EIPR1: variants seen among roughly 807,000 people sequenced by gnomAD.
The protein encoded by EIPR1 is EARP and GARP complex-interacting protein 1.
Under a neutral mutation model 48.1 loss-of-function variants are expected in EIPR1, and 25 were observed. That is an observed-to-expected ratio of 0.52 (90% CI 0.38 to 0.73). The LOEUF (loss-of-function observed/expected upper bound fraction) is 0.73, where lower values mean the gene tolerates loss of function less well. Among genes scored for constraint, EIPR1 ranks in the 30% least tolerant of loss-of-function variants. The pLI, the probability that EIPR1 is intolerant of heterozygous loss-of-function variation, is 0.00. For synonymous variants in EIPR1, 204 were observed against 201.9 expected (o/e 1.01, Z -0.09); for missense variants, 415 against 506.2 (o/e 0.82, Z 1.73).
At chr2:3,335,942 A>G (rs554301282) in intron 3 of EIPR1, among the ~76,000 whole-genome samples, 1 of 152,324 alleles carries the variant, frequency 6.6e-6, no homozygotes, top group South Asian at 2.1e-4. Flanking sequence ...CAGTGCGAGA[A>G]TGGACTAATA....
chr2:3,260,575 A>G (rs193102763), intron 3 of EIPR1, among the ~76,000 whole-genome samples: 5 of 152,062 alleles, frequency 3.3e-5, no homozygotes, highest in African/African-American at 1.2e-4. Context: ...AAAGAAAACA[A>G]AAGAAAAGAA....
At chr2:3,334,789 G>T (rs913825689) in intron 3 of EIPR1, among the ~76,000 whole-genome samples, 1 of 152,192 alleles carries the variant, frequency 6.6e-6, no homozygotes, top group Non-Finnish European at 1.5e-5. Flanking sequence ...GAACAATTTC[G>T]TCTTTCTTCC....
chr2:3,276,356 C>G (rs1667849032), intron 3 of EIPR1, among the ~76,000 whole-genome samples: 2 of 152,248 alleles, frequency 1.3e-5, no homozygotes, highest in Non-Finnish European at 2.9e-5. Flanking sequence ...TGAATAAATA[C>G]TTTTATCCAC....
intron 3 of EIPR1, among the ~76,000 whole-genome samples, chr2:3,332,143 GA>G (rs1669918494): frequency 6.6e-6 from 1 of 152,256 alleles, no homozygotes; most frequent in Admixed American, 6.5e-5. Flanking sequence ...CCCTAATTCA[GA>G]AACATACATT....
chr2:3,334,028 T>A lies in EIPR1; in HGVS notation c.259+3989A>T, dbSNP rs201128173. ...TTCACCAAAATATCACACAAACTAA[T>A]GGAAACAAAAAGAAGGAAGGGGCTA... On this transcript the variant is annotated intron_variant, in intron 3 of 8. Transcript: ENST00000382125. 8.0e-5 allele frequency among the ~76,000 whole-genome samples: 12 copies of A among 150,806 alleles called. No homozygotes were observed. In the East Asian group the frequency reaches 2.2e-3, roughly 27 times the overall value.
chr2:3,196,792 T>C (rs1024161651), intron 6 of EIPR1, 89 bp downstream of exon 6: 23 of 1,516,936 alleles, frequency 1.5e-5, no homozygotes, highest in South Asian at 6.3e-5. Flanking sequence ...CCCAAAGGCA[T>C]GTGGCTCACC....
intron 1 of EIPR1, among the ~76,000 whole-genome samples, chr2:3,373,785 T>C (rs2103396016): frequency 6.6e-6 from 1 of 151,494 alleles, no homozygotes; most frequent in East Asian, 1.9e-4. Context: ...ATCAATATCG[T>C]GAAAATGGCC....
intron 3 of EIPR1, among the ~76,000 whole-genome samples, chr2:3,302,780 G>A (rs1271333743): frequency 6.6e-6 from 1 of 152,232 alleles, no homozygotes; most frequent in Non-Finnish European, 1.5e-5. Flanking sequence ...TCAGACGACA[G>A]GCTCCCAAAG....
chr2:3,192,533 C>G lies in EIPR1; in HGVS notation c.870G>C (p.Thr290=). Residue 290 remains threonine (T), a synonymous_variant, in exon 8 of 9, where the codon ACG becomes ACC. Transcript: ENST00000382125. ...GGATGACTCTGCTGTCACTGCTGCC[C>G]GTGAGGACCAGCTGGTCATGAGAGT... ...YNHSHDQLVL[T]GSSDSRVILS... 6.2e-7 allele frequency: 1 copy of G among 1,613,010 alleles called. No homozygotes were observed. Among genetic ancestry groups the G allele is most frequent in the Non-Finnish European group, 8.5e-7 (1 of 1,179,870 alleles).
chr2:3,304,989 ACC>A (rs1558286446), intron 3 of EIPR1, among the ~76,000 whole-genome samples: 14 of 53,734 alleles, frequency 2.6e-4, no homozygotes, highest in African/African-American at 1.0e-3. Flanking sequence ...GTCCAGTTCA[ACC>A]CTCCACTCCC....
chr2:3,208,993 G>C, intron 5 of EIPR1: 1 of 1,459,250 alleles, frequency 6.9e-7, no homozygotes, highest in Admixed American at 2.7e-5. Flanking sequence ...ATATTATCAA[G>C]GTCGCCAGAA....
intron 1 of EIPR1, among the ~76,000 whole-genome samples, chr2:3,356,421 T>C (rs1343389363): frequency 6.6e-6 from 1 of 152,194 alleles, no homozygotes; most frequent in Non-Finnish European, 1.5e-5. Flanking sequence ...AACTAAGATC[T>C]CAGGTGATGA....
intron 5 of EIPR1, among the ~76,000 whole-genome samples, chr2:3,207,471 C>A (rs180808973): frequency 6.6e-6 from 1 of 152,356 alleles, no homozygotes; most frequent in East Asian, 1.9e-4. Context: ...ACATTGAATG[C>A]ATCATCTAGA....
At chr2:3,266,505 G>T (rs1667494129) in intron 3 of EIPR1, among the ~76,000 whole-genome samples, 1 of 152,218 alleles carries the variant, frequency 6.6e-6, no homozygotes, top group South Asian at 2.1e-4. Flanking sequence ...GTGTGCAGGG[G>T]CAGAGACTGA....
At chr2:3,289,940 G>A (rs950116575) in intron 3 of EIPR1, among the ~76,000 whole-genome samples, 1 of 152,242 alleles carries the variant, frequency 6.6e-6, no homozygotes, top group Non-Finnish European at 1.5e-5. Context: ...GAGTGCCGCA[G>A]TTCCAGCTGC....
intron 5 of EIPR1, among the ~76,000 whole-genome samples, chr2:3,209,930 T>C (rs1457848098): frequency 6.6e-6 from 1 of 152,216 alleles, no homozygotes; most frequent in Non-Finnish European, 1.5e-5. Context: ...GAAACAATTC[T>C]GTGTGACACC....
chr2:3,244,561 C>T (rs1666737247), intron 4 of EIPR1, among the ~76,000 whole-genome samples: 1 of 152,158 alleles, frequency 6.6e-6, no homozygotes, highest in Non-Finnish European at 1.5e-5. Flanking sequence ...GAGGGCAAAG[C>T]CTTGGCAAAC....
In EIPR1 at chr2:3,260,890, A is replaced by C. The variant is rs1280600743; in HGVS notation, c.260-3435T>G. ...CCAACAATAGCAAGTATTGGCAAAG[A>C]TGTACAGTAACTGGATCTCTCACGG... On this transcript the variant is annotated intron_variant, in intron 3 of 8. Transcript: ENST00000382125. Among the ~76,000 whole-genome samples the C allele has an allele frequency of 2.4e-4, 37 of 152,198 alleles. 1 individual carries two copies. Among genetic ancestry groups the C allele is most frequent in the Admixed American group, 2.4e-3 (37 of 15,280 alleles).
intron 4 of EIPR1, among the ~76,000 whole-genome samples, chr2:3,240,627 C>T (rs1666579890): frequency 7.0e-6 from 1 of 143,238 alleles, no homozygotes. Flanking sequence ...AAAGAAAAGC[C>T]AGCAGATCCC....
Sources: allele counts gnomAD v4.1 joint callset (sites outside exome capture counted in the v4.1 genomes callset), GRCh38; gene constraint gnomAD v4.1.1; transcripts MANE v1.5; gene names NCBI Gene and HGNC (gene_info 2026-07-23, HGNC 2026-07-21).